CSMD1: variants seen among roughly 807,000 people sequenced by gnomAD.
The protein encoded by CSMD1 is CUB and sushi domain-containing protein 1.
A neutral mutation model predicts 417.5 loss-of-function variants in CSMD1; 213 were observed. That is an observed-to-expected ratio of 0.51 (90% CI 0.46 to 0.57). CSMD1 has a LOEUF of 0.57. Among genes scored for constraint, CSMD1 ranks in the 20% least tolerant of loss-of-function variants. CSMD1 has a pLI of 0.00. For missense variants in CSMD1, 6,923 were observed against 4,529.7 expected (o/e 1.53, Z -15.17); for synonymous variants, 2,862 against 1,736.8 (o/e 1.65, Z -16.11).
chr8:4,079,222 G>C (rs921198342), intron 3 of CSMD1, among the ~76,000 whole-genome samples: 1 of 152,112 alleles, frequency 6.6e-6, no homozygotes, highest in African/African-American at 2.4e-5. Context: ...TGTTTGGTGG[G>C]AAACAACTGA....
intron 1 of CSMD1, among the ~76,000 whole-genome samples, chr8:4,829,999 C>T (rs1021733505): frequency 2.6e-5 from 4 of 152,210 alleles, no homozygotes; most frequent in African/African-American, 9.6e-5. Context: ...TCTTTCCGTG[C>T]TCTCGTGATG....
At chr8:3,432,508 C>CT (rs769207768) in intron 12 of CSMD1, among the ~76,000 whole-genome samples, 30,134 of 105,400 alleles carry the variant, frequency 0.29, 5,495 homozygotes, top group Non-Finnish European at 0.33. Context: ...TCAATATGGG[C>CT]TTTTTTTTTT....
At chr8:3,342,849 G>C (rs944000246) in intron 23 of CSMD1, among the ~76,000 whole-genome samples, 2 of 141,044 alleles carry the variant, frequency 1.4e-5, no homozygotes, top group Non-Finnish European at 1.6e-5. Flanking sequence ...GTTGTTGTGT[G>C]TGTGTGTGCT....
At chr8:3,320,844 A>G (rs937148310) in intron 23 of CSMD1, among the ~76,000 whole-genome samples, 7 of 152,196 alleles carry the variant, frequency 4.6e-5, no homozygotes, top group African/African-American at 1.2e-4. Flanking sequence ...CATCCTGCCT[A>G]TGGGGATACA....
chr8:3,359,347 C>A lies in CSMD1; in HGVS notation c.3116-7G>T. The A allele has an allele frequency of 6.2e-7, 1 of 1,608,704 alleles. No homozygotes were observed. Among genetic ancestry groups the A allele is most frequent in the Non-Finnish European group, 8.5e-7 (1 of 1,177,336 alleles). ...CATGGCTCCAGGTCATATTCTGAGG[C>A]ATGCAGAGACAGAGTAAATGCATGA... On this transcript the variant is annotated splice_region_variant and splice_polypyrimidine_tract_variant and intron_variant, in intron 20 of 69. Coordinates refer to ENST00000635120, the MANE Select transcript of CSMD1 (RefSeq NM_033225.6).
intron 50 of CSMD1, among the ~76,000 whole-genome samples, chr8:3,040,900 C>T (rs910802183): frequency 3.9e-5 from 6 of 152,106 alleles, no homozygotes; most frequent in African/African-American, 1.4e-4. Flanking sequence ...TCATATAAAA[C>T]ATTTAATGGA....
intron 2 of CSMD1, among the ~76,000 whole-genome samples, chr8:4,541,573 C>T (rs189426760): frequency 1.1e-4 from 17 of 151,962 alleles, no homozygotes; most frequent in Non-Finnish European, 4.4e-5. Flanking sequence ...CATGGTAAAA[C>T]CCTGTCTGTA....
chr8:4,841,911 CA>C (rs397757527), intron 1 of CSMD1, among the ~76,000 whole-genome samples: 190 of 34,834 alleles, frequency 5.5e-3, no homozygotes, highest in African/African-American at 0.031. Context: ...AACTCCGTCT[CA>C]AAAAAAAAAA....
At chr8:3,535,259 G>A (rs1203315434) in intron 10 of CSMD1, among the ~76,000 whole-genome samples, 1 of 152,120 alleles carries the variant, frequency 6.6e-6, no homozygotes, top group Non-Finnish European at 1.5e-5. Context: ...AGCCACTGTG[G>A]GAAGCTAATG....
intron 36 of CSMD1, among the ~76,000 whole-genome samples, chr8:3,186,394 G>C (rs1821761037): frequency 6.6e-6 from 1 of 152,132 alleles, no homozygotes; most frequent in South Asian, 2.1e-4. Context: ...GTTCCTAAAA[G>C]TATAAATAGT....
chr8:4,062,933 C>G (rs1799055098), intron 3 of CSMD1, among the ~76,000 whole-genome samples: 1 of 150,812 alleles, frequency 6.6e-6, no homozygotes, highest in Non-Finnish European at 1.5e-5. Context: ...AAAAATTCTT[C>G]TATATAAAAA....
intron 5 of CSMD1, among the ~76,000 whole-genome samples, chr8:3,954,187 G>A (rs1811772206): frequency 6.6e-6 from 1 of 152,268 alleles, no homozygotes; most frequent in South Asian, 2.1e-4. Flanking sequence ...CTCAGAAGAA[G>A]GAATTTGACT....
At chr8:4,402,752 C>T (rs1180046672) in intron 3 of CSMD1, among the ~76,000 whole-genome samples, 2 of 149,048 alleles carry the variant, frequency 1.3e-5, no homozygotes, top group Non-Finnish European at 3.0e-5. Context: ...CTCTTTGCAT[C>T]TGTACTGAAT....
chr8:3,865,774 C>G (rs1484350933), intron 5 of CSMD1, among the ~76,000 whole-genome samples: 1 of 152,130 alleles, frequency 6.6e-6, no homozygotes, highest in Non-Finnish European at 1.5e-5. Flanking sequence ...AGGTTTCCGT[C>G]ATATTTCTCT....
chr8:3,271,333 G>A lies in CSMD1; in HGVS notation c.4153+12811C>T, dbSNP rs892614967. Among the ~76,000 whole-genome samples, 4 of 151,906 alleles carry A rather than the reference G, an allele frequency of 2.6e-5. No individual in the cohort carries two copies. The East Asian group carries it at 5.8e-4, about 22-fold the overall frequency. On this transcript the variant is annotated intron_variant, in intron 26 of 69. Coordinates refer to ENST00000635120, the MANE Select transcript of CSMD1 (RefSeq NM_033225.6). The stretch of plus-strand genomic sequence containing the variant: ...TTTCTTAATCCAGTCTATCATTGTT[G>A]GACATTTGGGTTGGTTCCAAGTCTT...
chr8:3,668,954 T>C (rs1043305666), intron 7 of CSMD1, among the ~76,000 whole-genome samples: 1 of 152,088 alleles, frequency 6.6e-6, no homozygotes, highest in African/African-American at 2.4e-5. Context: ...ACAGGAAAGA[T>C]GGGGAGAAAT....
intron 1 of CSMD1, among the ~76,000 whole-genome samples, chr8:4,953,541 A>G (rs1037750154): frequency 1.3e-5 from 2 of 152,048 alleles, no homozygotes; most frequent in African/African-American, 4.8e-5. Context: ...GCCCTTATAA[A>G]CCTTTATCTC....
chr8:4,634,578 C>A (rs750939560), intron 2 of CSMD1, among the ~76,000 whole-genome samples: 1 of 152,204 alleles, frequency 6.6e-6, no homozygotes, highest in Non-Finnish European at 1.5e-5. Context: ...CAGTTATCAG[C>A]AGCTCCTACA....
chr8:4,877,670 A>C (rs1803134156), intron 1 of CSMD1, among the ~76,000 whole-genome samples: 1 of 152,118 alleles, frequency 6.6e-6, no homozygotes, highest in Non-Finnish European at 1.5e-5. Context: ...ACACAAATTG[A>C]AACTATCTCC....
Sources: gnomAD v4.1 joint callset for allele counts (sites outside exome capture counted in the v4.1 genomes callset) on GRCh38, gnomAD v4.1.1 for gene constraint, MANE v1.5 for transcripts, NCBI Gene and HGNC (gene_info 2026-07-23, HGNC 2026-07-21) for gene names.